Variants in CCDC146 observed in about 807,000 individuals in gnomAD.
The protein encoded by CCDC146 is coiled-coil domain-containing protein 146.
Under a neutral mutation model 119.3 loss-of-function variants are expected in CCDC146, and 92 were observed. The observed-to-expected ratio is 0.77, with a 90% CI of 0.65 to 0.92. The LOEUF is 0.92. CCDC146 is among the 40% of genes least tolerant of loss of function. CCDC146 has a pLI of 0.00. For missense variants in CCDC146, 1,000 were observed against 1,103.0 expected (o/e 0.91, Z 1.32); for synonymous variants, 372 against 371.8 (o/e 1.00, Z -0.01).
intron 1 of CCDC146, among the ~76,000 whole-genome samples, chr7:77,147,011 A>G (rs1791031390): frequency 6.6e-6 from 1 of 152,180 alleles, no homozygotes; most frequent in African/African-American, 2.4e-5. Context: ...GTGTTTTCCA[A>G]CTTGGTTCCA....
Position 77,293,012 on chromosome 7 carries a change from G to A in CCDC146, c.2476G>A (p.Glu826Lys), listed in dbSNP as rs866710124. The change falls in exon 18 of 19, where the codon GAG becomes AAG. Residue 826 changes from glutamate (E) to lysine (K), a missense_variant. By Grantham distance (56) the Glu-to-Lys change is moderately conservative (BLOSUM62 1). Around this residue, in one of 2 missense-constraint regions of CCDC146, gnomAD observed 985 missense variants for 1,045.3 expected, o/e 0.94. Coordinates refer to ENST00000285871, the MANE Select transcript of CCDC146 (RefSeq NM_020879.3). ...ATEKMMALVA[E>K]LSMKQALTIE... ...TGAGAAAATGATGGCTCTTGTTGCT[G>A]AGCTGTCCATGAAACAAGCCCTAAC... 4.3e-6 allele frequency: 7 copies of A among 1,614,068 alleles called. No individual in the cohort carries two copies. The highest frequency in any genetic ancestry group is 3.3e-4 in the Middle Eastern group (2 of 6,062).
At chr7:77,186,655 C>T (rs1271762813) in intron 2 of CCDC146, among the ~76,000 whole-genome samples, 2 of 151,976 alleles carry the variant, frequency 1.3e-5, no homozygotes, top group Non-Finnish European at 2.9e-5. Flanking sequence ...AGGATAAATG[C>T]TTGAGGGGAT....
chr7:77,168,628 A>G (rs1221212909), intron 2 of CCDC146, among the ~76,000 whole-genome samples: 12 of 152,122 alleles, frequency 7.9e-5, no homozygotes, highest in Non-Finnish European at 1.8e-4. Context: ...AGTGCTATAT[A>G]TGTGTATACA....
At chr7:77,285,218 A>T (rs543642576) in intron 15 of CCDC146, among the ~76,000 whole-genome samples, 1 of 152,192 alleles carries the variant, frequency 6.6e-6, no homozygotes, top group East Asian at 1.9e-4. Flanking sequence ...TTTTTCCTCA[A>T]ATGCCAAGGG....
In CCDC146 at chr7:77,260,012, A is replaced by C; in HGVS notation, c.762A>C (p.Glu254Asp). 1 of 1,588,562 alleles carries C rather than the reference A, an allele frequency of 6.3e-7. No homozygotes were observed. The highest frequency in any genetic ancestry group is 8.6e-7 in the Non-Finnish European group (1 of 1,161,084). The change falls in exon 8 of 19, where the codon GAA becomes GAC. Residue 254 changes from glutamate (E) to aspartate (D), a missense_variant. Around this residue, in one of 2 missense-constraint regions of CCDC146, gnomAD observed 985 missense variants for 1,045.3 expected, o/e 0.94. Transcript: ENST00000285871. ...EIEKITRKKV[E>D]MEKKKIVLEQ... ...TGTGTGTGTGTATCCCCTACAGAGA[A>C]ATGGAAAAGAAAAAAATTGTCTTGG...
intron 9 of CCDC146, 137 bp downstream of exon 9, chr7:77,262,444 G>A (rs575931867): frequency 5.9e-5 from 38 of 641,428 alleles, no homozygotes; most frequent in South Asian, 3.0e-4. Flanking sequence ...TTTCAAATGC[G>A]TCAAGCCTAT....
rs1554345450 is a variant in CCDC146, at chr7:77,133,841, A to ACACACT, written c.-12+11114_-12+11115insTCACAC. 7.4e-4 allele frequency among the ~76,000 whole-genome samples: 111 copies of ACACACT among 150,492 alleles called. 1 individual carries two copies. Among genetic ancestry groups the ACACACT allele is most frequent in the Non-Finnish European group, 6.5e-4 (44 of 67,662 alleles). On this transcript the variant is annotated intron_variant, in intron 1 of 18. Coordinates refer to ENST00000285871, the MANE Select transcript of CCDC146 (RefSeq NM_020879.3). ...CATATGCTTAGGTACACACACACAC[A>ACACACT]CACACACACACACTCACACACACAT...
At chr7:77,173,576 C>G (rs1398218428) in intron 2 of CCDC146, among the ~76,000 whole-genome samples, 4 of 152,162 alleles carry the variant, frequency 2.6e-5, no homozygotes, top group Admixed American at 6.5e-5. Flanking sequence ...TTGCAGTGAG[C>G]CCAGATCACA....
chr7:77,209,060 T>A (rs763420884), intron 2 of CCDC146, among the ~76,000 whole-genome samples: 1 of 152,152 alleles, frequency 6.6e-6, no homozygotes, highest in African/African-American at 2.4e-5. Flanking sequence ...TTCTCACATT[T>A]CAAAACACAA....
At chr7:77,134,268 A>C (rs1324792628) in intron 1 of CCDC146, among the ~76,000 whole-genome samples, 1 of 152,074 alleles carries the variant, frequency 6.6e-6, no homozygotes, top group Non-Finnish European at 1.5e-5. Flanking sequence ...GGAAATCAAC[A>C]CTGCAAATTT....
chr7:77,207,781 T>A (rs1792107949), intron 2 of CCDC146, among the ~76,000 whole-genome samples: 1 of 152,174 alleles, frequency 6.6e-6, no homozygotes, highest in Non-Finnish European at 1.5e-5. Context: ...TGTAAGGTCC[T>A]TTTCAGGTGT....
At chr7:77,192,075 A>T (rs541034289) in intron 2 of CCDC146, among the ~76,000 whole-genome samples, 1 of 150,778 alleles carries the variant, frequency 6.6e-6, no homozygotes, top group East Asian at 2.1e-4. Flanking sequence ...TACAGGTGTG[A>T]GCCACCACAC....
In CCDC146 at chr7:77,252,687, G is replaced by A. The variant is rs575411363; in HGVS notation, c.450-1819G>A. Among the ~76,000 whole-genome samples, 13 of 152,222 alleles carry A rather than the reference G, an allele frequency of 8.5e-5. 1 individual carries two copies. The South Asian group carries it at 2.7e-3, about 32-fold the overall frequency. On this transcript the variant is annotated intron_variant, in intron 4 of 18. Transcript: ENST00000285871. ...TCACTGTAACTGGCACTGTGGAAAC[G>A]GTATACAGAATAAGAAAAGGAGAAG...
At chr7:77,144,565 C>G (rs9769627) in intron 1 of CCDC146, among the ~76,000 whole-genome samples, 31,152 of 151,388 alleles carry the variant, frequency 0.21, 3,692 homozygotes, top group Non-Finnish European at 0.21. Context: ...GTCATAAATA[C>G]CTCTTATTAT....
Position 77,142,806 on chromosome 7 carries a change from G to C in CCDC146, c.-12+20074G>C, listed in dbSNP as rs926033077. Among the ~76,000 whole-genome samples, 7 of 151,820 alleles carry C rather than the reference G, an allele frequency of 4.6e-5. No homozygotes were observed. The East Asian group carries it at 9.7e-4, about 21-fold the overall frequency. Reference sequence around the variant, plus strand: ...ATATGTGCCACATTTTCTCAATCCAGTCTATCATTGTTGGACATTTGGGTT... The same window carrying C: ...ATATGTGCCACATTTTCTCAATCCACTCTATCATTGTTGGACATTTGGGTT... On this transcript the variant is annotated intron_variant, in intron 1 of 18. Transcript: ENST00000285871.
At chr7:77,203,035 C>G (rs1264405240) in intron 2 of CCDC146, among the ~76,000 whole-genome samples, 1 of 137,590 alleles carries the variant, frequency 7.3e-6, no homozygotes, top group Middle Eastern at 3.6e-3. Context: ...ATACTTGCCC[C>G]CCCCCCCCCC....
rs76456407 is a variant in CCDC146 at position 77,278,740 on chromosome 7, T to G, written c.1441-12T>G. Reference sequence around the variant, plus strand: ...TGTTGTTATTTATTTCACATTTTTTTGTACATTTCAGCAAAAATACACCAA... The same window carrying G: ...TGTTGTTATTTATTTCACATTTTTTGGTACATTTCAGCAAAAATACACCAA... On this transcript the variant is annotated splice_polypyrimidine_tract_variant and intron_variant, in intron 11 of 18. Coordinates refer to ENST00000285871, the MANE Select transcript of CCDC146 (RefSeq NM_020879.3). 3.7e-5 allele frequency: 58 copies of G among 1,578,786 alleles called. No homozygotes were observed. In the East Asian group the frequency reaches 1.1e-3, roughly 30 times the overall value.
At chr7:77,261,833 A>G (rs1386834353) in intron 8 of CCDC146, among the ~76,000 whole-genome samples, 1 of 152,128 alleles carries the variant, frequency 6.6e-6, no homozygotes, top group African/African-American at 2.4e-5. Context: ...CATTTTCTTT[A>G]TCTGGTCTAC....
intron 1 of CCDC146, among the ~76,000 whole-genome samples, chr7:77,154,808 A>G (rs902114658): frequency 9.9e-5 from 15 of 152,064 alleles, no homozygotes; most frequent in Admixed American, 2.0e-4. Flanking sequence ...TAATCCTTTC[A>G]GTATATACCC....
Sources: gnomAD v4.1 joint callset for allele counts (sites outside exome capture counted in the v4.1 genomes callset) on GRCh38, gnomAD v4.1.1 for gene constraint, gnomAD v4.1.1 regional missense constraint, MANE v1.5 for transcripts, NCBI Gene and HGNC (gene_info 2026-07-23, HGNC 2026-07-21) for gene names.